CRTC3: variants seen among roughly 807,000 people sequenced by gnomAD.
The protein encoded by CRTC3 is CREB regulated transcription coactivator 3, also known as CREB-regulated transcription coactivator 3.
In CRTC3, 26 loss-of-function variants were observed where a neutral mutation model predicts 74.5. That is an observed-to-expected ratio of 0.35 (90% confidence interval 0.26 to 0.48). The LOEUF (loss-of-function observed/expected upper bound fraction) is 0.48. Ranked by LOEUF, CRTC3 falls within the 20% of genes least tolerant of loss-of-function variation. The pLI is 0.99. For missense variants in CRTC3, 760 were observed against 787.3 expected (o/e 0.97, Z 0.41); for synonymous variants, 377 against 325.8 (o/e 1.16, Z -1.69).
intron 2 of CRTC3, among the ~76,000 whole-genome samples, chr15:90,552,158 A>G (rs886286767): frequency 5.3e-5 from 8 of 152,198 alleles, no homozygotes; most frequent in African/African-American, 1.9e-4. Flanking sequence ...TAGGCACAGG[A>G]CACATAGAAA....
At chr15:90,553,812 A>C (rs1966868860) in intron 2 of CRTC3, among the ~76,000 whole-genome samples, 1 of 152,252 alleles carries the variant, frequency 6.6e-6, no homozygotes, top group African/African-American at 2.4e-5. Context: ...TTTTCATGCC[A>C]GTAAAGTTGG....
chr15:90,600,048 C>T (rs1486035313), intron 3 of CRTC3, among the ~76,000 whole-genome samples: 1 of 152,204 alleles, frequency 6.6e-6, no homozygotes, highest in Non-Finnish European at 1.5e-5. Context: ...CCTCTCCTAC[C>T]TCCTACTGTG....
In CRTC3 at chr15:90,644,774, C is replaced by A; in HGVS notation, c.*2634C>A. ...ACTCACTGCGGCCTTTGTAACAAAA[C>A]CAGTTGTGGTCCTCAGCATTTGAAG... On this transcript the variant is annotated 3_prime_UTR_variant, in exon 15 of 15. Coordinates refer to ENST00000268184, the MANE Select transcript of CRTC3 (RefSeq NM_022769.5). 1 of 232,676 alleles carries A rather than the reference C, an allele frequency of 4.3e-6. No individual in the cohort carries two copies. Among genetic ancestry groups the A allele is most frequent in the East Asian group, 6.1e-5 (1 of 16,514 alleles). 14.4% of individuals were successfully genotyped at this position (232,676 alleles called of 1,614,324 possible). A position where few individuals can be genotyped will look rare whatever the true frequency, so the allele number is the denominator to read the frequency against.
At chr15:90,602,930 CG>C (rs1248976026) in intron 4 of CRTC3, among the ~76,000 whole-genome samples, 12 of 151,254 alleles carry the variant, frequency 7.9e-5, no homozygotes, top group Non-Finnish European at 1.6e-4. Context: ...GCTGAGATCA[CG>C]CCACAGCACT....
intron 9 of CRTC3, among the ~76,000 whole-genome samples, chr15:90,620,901 G>A (rs758739715): frequency 1.3e-5 from 2 of 152,138 alleles, no homozygotes; most frequent in East Asian, 1.9e-4. Context: ...TCACAGCAGC[G>A]CAGTCAAGGC....
At chr15:90,584,032 G>A (rs1170517171) in intron 2 of CRTC3, among the ~76,000 whole-genome samples, 3 of 152,000 alleles carry the variant, frequency 2.0e-5, no homozygotes, top group Non-Finnish European at 4.4e-5. Context: ...AATCAAAGGA[G>A]GTGCTGGCAG....
In CRTC3 at chr15:90,641,287, T is replaced by C; in HGVS notation, c.1651+88T>C. ...ATAAGAGAGTTTAAACAACATAATATTATATAAAGCAAAAAGTTAACGTTC... is the reference window on the plus strand; with the variant it reads ...ATAAGAGAGTTTAAACAACATAATACTATATAAAGCAAAAAGTTAACGTTC... On this transcript the variant is annotated intron_variant, in intron 14 of 14. Transcript: ENST00000268184. 9.7e-6 allele frequency: 9 copies of C among 925,260 alleles called. No homozygotes were observed. The South Asian group carries it at 1.3e-4, about 13-fold the overall frequency. The allele number at this position is 925,260 out of a possible 1,614,324, so 57.3% of individuals were successfully genotyped here.
At position 90,616,999 on chromosome 15, in the gene CRTC3, T is replaced by C. The variant is rs74037370; in HGVS notation, c.614-884T>C. On this transcript the variant is annotated intron_variant, in intron 7 of 14. Transcript: ENST00000268184. Reference sequence around the variant, plus strand: ...GTTGCAGGTTCTCTCCTCATCCCTCTTCTTCCATTCTCTCCTTTGCCAAGC... The same window carrying C: ...GTTGCAGGTTCTCTCCTCATCCCTCCTCTTCCATTCTCTCCTTTGCCAAGC... Among the ~76,000 whole-genome samples, 1,413 of 152,288 alleles carry C rather than the reference T, an allele frequency of 9.3e-3. 23 individuals are homozygous for C. Among genetic ancestry groups the C allele is most frequent in the African/African-American group, 0.032 (1,322 of 41,534 alleles).
At chr15:90,575,401 A>G (rs912416886) in intron 2 of CRTC3, among the ~76,000 whole-genome samples, 11 of 152,172 alleles carry the variant, frequency 7.2e-5, no homozygotes, top group African/African-American at 2.4e-4. Context: ...GTTTTTTGTT[A>G]TAGTTAGAAA....
chr15:90,582,066 AGTTGAT>A (rs1384570390), intron 2 of CRTC3, among the ~76,000 whole-genome samples: 1 of 152,194 alleles, frequency 6.6e-6, no homozygotes, highest in African/African-American at 2.4e-5. Flanking sequence ...CTCAAGTCTT[AGTTGAT>A]CAAAAGCCAG....
In CRTC3 at chr15:90,625,756, C is replaced by T; in HGVS notation, c.750-20C>T. ...GCCAAATACATTGTAGAAAGTCATT[C>T]TTAATCTTTCTTTTTTCAGTGCTTT... On this transcript the variant is annotated intron_variant, in intron 9 of 14. Transcript: ENST00000268184. 1 of 1,596,708 alleles carries T rather than the reference C, an allele frequency of 6.3e-7. No homozygotes were observed.
At chr15:90,563,932 T>C (rs1366401906) in intron 2 of CRTC3, among the ~76,000 whole-genome samples, 5 of 152,248 alleles carry the variant, frequency 3.3e-5, no homozygotes. Flanking sequence ...TATTAGTGTT[T>C]CTACCACTTC....
At chr15:90,567,559 A>G (rs1292407746) in intron 2 of CRTC3, among the ~76,000 whole-genome samples, 1 of 152,008 alleles carries the variant, frequency 6.6e-6, no homozygotes, top group Admixed American at 6.6e-5. Flanking sequence ...ATGGTGGCGC[A>G]TGCCTGTAAT....
chr15:90,627,241 T>C (rs188077473), intron 10 of CRTC3, among the ~76,000 whole-genome samples: 65 of 152,374 alleles, frequency 4.3e-4, no homozygotes, highest in African/African-American at 1.4e-3. Flanking sequence ...ATTTTTGTTT[T>C]TTGGGTCATT....
At chr15:90,618,218 A>AAC (rs1555452267) in intron 8 of CRTC3, 10 of 257,802 alleles carry the variant, frequency 3.9e-5, no homozygotes, top group African/African-American at 1.8e-4. Flanking sequence ...AAAAAAAAAA[A>AAC]AAAACCCTGC....
At chr15:90,569,918 G>A (rs964264578) in intron 2 of CRTC3, among the ~76,000 whole-genome samples, 1 of 152,128 alleles carries the variant, frequency 6.6e-6, no homozygotes, top group African/African-American at 2.4e-5. Context: ...AAGAAAACCT[G>A]TAGCCTGATA....
At chr15:90,551,923 C>T (rs571717108) in intron 2 of CRTC3, among the ~76,000 whole-genome samples, 2 of 95,302 alleles carry the variant, frequency 2.1e-5, no homozygotes, top group Non-Finnish European at 4.2e-5. Flanking sequence ...CATTACATTA[C>T]ACACACGCAC....
intron 2 of CRTC3, among the ~76,000 whole-genome samples, chr15:90,565,627 C>A (rs1393956202): frequency 6.6e-6 from 1 of 152,212 alleles, no homozygotes; most frequent in Non-Finnish European, 1.5e-5. Context: ...GCATGTGGCT[C>A]ACTTCATGTC....
Position 90,545,004 on chromosome 15 carries a change from A to G in CRTC3, c.231+4867A>G, listed in dbSNP as rs549474905. ...TATGCCCATTCAATAAGAATTCTCCATGTTCCCTTCCCACCAGCCTCTGGC... is the reference window on the plus strand; with the variant it reads ...TATGCCCATTCAATAAGAATTCTCCGTGTTCCCTTCCCACCAGCCTCTGGC... On this transcript the variant is annotated intron_variant, in intron 2 of 14. Coordinates refer to ENST00000268184, the MANE Select transcript of CRTC3 (RefSeq NM_022769.5). 5.3e-5 allele frequency among the ~76,000 whole-genome samples: 8 copies of G among 152,278 alleles called. No individual in the cohort carries two copies. The South Asian group carries it at 1.4e-3, about 28-fold the overall frequency.
Sources: gnomAD v4.1 joint callset for allele counts (sites outside exome capture counted in the v4.1 genomes callset) on GRCh38, gnomAD v4.1.1 for gene constraint, MANE v1.5 for transcripts, NCBI Gene and HGNC (gene_info 2026-07-23, HGNC 2026-07-21) for gene names.